Variants in NUDT9 observed in about 807,000 individuals in gnomAD.
NUDT9 encodes the protein ADP-ribose pyrophosphatase.
A neutral mutation model predicts 41.0 loss-of-function variants in NUDT9; 31 were observed. That is an observed-to-expected ratio of 0.76 (90% CI 0.57 to 1.02). The LOEUF (loss-of-function observed/expected upper bound fraction) is 1.02, where lower values mean the gene tolerates loss of function less well. NUDT9 is among the 50% of genes least tolerant of loss of function. The pLI, the probability that NUDT9 is intolerant of heterozygous loss-of-function variation, is 0.00. For synonymous variants in NUDT9, 146 were observed against 147.6 expected, an observed-to-expected ratio of 0.99 and a Z score of 0.08; for missense variants, 380 against 431.4, an observed-to-expected ratio of 0.88 and a Z score of 1.06.
chr4:87,432,074 T>A (rs1159386952), intron 1 of NUDT9, among the ~76,000 whole-genome samples: 2 of 152,226 alleles, frequency 1.3e-5, no homozygotes, highest in African/African-American at 4.8e-5. Context: ...AACAGTTTTT[T>A]CATGAATTAT....
intron 1 of NUDT9, among the ~76,000 whole-genome samples, chr4:87,429,084 G>A (rs551595323): frequency 2.0e-5 from 3 of 152,236 alleles, no homozygotes; most frequent in African/African-American, 7.2e-5. Flanking sequence ...TATATACACC[G>A]AAGAGGGACC....
At chr4:87,435,296 T>C in intron 2 of NUDT9, 76 bp downstream of exon 2, 1 of 1,461,292 alleles carries the variant, frequency 6.8e-7, no homozygotes, top group Non-Finnish European at 9.2e-7. Flanking sequence ...AAGTATCTTT[T>C]TGACACCTGA....
At chr4:87,435,754 G>A (rs568260956) in intron 2 of NUDT9, among the ~76,000 whole-genome samples, 10 of 152,220 alleles carry the variant, frequency 6.6e-5, no homozygotes, top group East Asian at 1.9e-4. Flanking sequence ...TAGAAGTGCC[G>A]CATTGATTAA....
intron 1 of NUDT9, among the ~76,000 whole-genome samples, 154 bp downstream of exon 1, chr4:87,423,166 A>G (rs1159355859): frequency 6.6e-6 from 1 of 152,188 alleles, no homozygotes; most frequent in Non-Finnish European, 1.5e-5. Flanking sequence ...AAAATATTTT[A>G]TCTGCCTTTT....
chr4:87,439,791 T>C (rs1459282021), intron 3 of NUDT9, among the ~76,000 whole-genome samples: 1 of 152,160 alleles, frequency 6.6e-6, no homozygotes, highest in Non-Finnish European at 1.5e-5. Context: ...AGAATTAAAA[T>C]TTGAGGTGAG....
At chr4:87,451,232 G>A (rs1369258247) in intron 5 of NUDT9, among the ~76,000 whole-genome samples, 1 of 152,206 alleles carries the variant, frequency 6.6e-6, no homozygotes, top group Non-Finnish European at 1.5e-5. Context: ...CAGGTCCTGG[G>A]AACATTGAGG....
intron 1 of NUDT9, among the ~76,000 whole-genome samples, chr4:87,429,928 C>G (rs2110161844): frequency 6.6e-6 from 1 of 152,160 alleles, no homozygotes; most frequent in Middle Eastern, 3.4e-3. Flanking sequence ...TTGTGGTAAG[C>G]AGAATAATGG....
intron 7 of NUDT9, among the ~76,000 whole-genome samples, chr4:87,457,238 T>A (rs1723028414): frequency 2.4e-5 from 2 of 85,104 alleles, no homozygotes; most frequent in Admixed American, 9.9e-5. Context: ...TAATTTAAAT[T>A]TTTTTTTTTT....
rs1446193531 is a variant in NUDT9, at chr4:87,435,152, C to T, written c.279C>T (p.Asp93=). Residue 93 remains aspartate, a synonymous_variant, in exon 2 of 8, where the codon GAC becomes GAT. Transcript: ENST00000302174. Reference sequence around the variant, plus strand: ...TGGGCTGGCTTGTTGAGTGGCAAGACTATAAGCCTGTGGAATACACTGCAG... The same window carrying T: ...TGGGCTGGCTTGTTGAGTGGCAAGATTATAAGCCTGTGGAATACACTGCAG... ...EKVGWLVEWQ[D]YKPVEYTAVS... is the part of the protein sequence containing the mutation. 1.2e-6 allele frequency: 2 copies of T among 1,614,198 alleles called. No homozygotes were observed. The highest frequency in any genetic ancestry group is 4.5e-5 in the East Asian group (2 of 44,886).
At chr4:87,441,646 A>C (rs1048312715) in intron 3 of NUDT9, among the ~76,000 whole-genome samples, 183 bp from the exon 4 acceptor site, 1 of 152,212 alleles carries the variant, frequency 6.6e-6, no homozygotes, top group Non-Finnish European at 1.5e-5. Flanking sequence ...ACATGCGCAA[A>C]AGAAAAATTA....
intron 7 of NUDT9, among the ~76,000 whole-genome samples, chr4:87,457,178 C>T (rs1723024944): frequency 6.6e-6 from 1 of 151,844 alleles, no homozygotes; most frequent in African/African-American, 2.4e-5. Flanking sequence ...AGAAATATTC[C>T]ATTTATATTC....
At chr4:87,450,378 C>CTTT (rs59228872) in intron 5 of NUDT9, among the ~76,000 whole-genome samples, 8 of 102,302 alleles carry the variant, frequency 7.8e-5, no homozygotes, top group South Asian at 6.6e-4. Flanking sequence ...TTTTCTTTTT[C>CTTT]TTTTTTTTTT....
At chr4:87,449,297 C>T (rs781111987) in intron 5 of NUDT9, 44 bp downstream of exon 5, 1 of 984,916 alleles carries the variant, frequency 1.0e-6, no homozygotes, top group African/African-American at 1.6e-5. Context: ...CTTTTAGTTG[C>T]TTTACTTACT....
chr4:87,450,894 T>C (rs1387457435), intron 5 of NUDT9, among the ~76,000 whole-genome samples: 1 of 152,222 alleles, frequency 6.6e-6, no homozygotes, highest in Non-Finnish European at 1.5e-5. Flanking sequence ...ACACTGAGAA[T>C]ACAACAGAGC....
chr4:87,436,331 C>G (rs951090738), intron 2 of NUDT9, among the ~76,000 whole-genome samples: 3 of 151,972 alleles, frequency 2.0e-5, no homozygotes, highest in African/African-American at 7.3e-5. Context: ...TTTTCCCATC[C>G]CTTTATGTTC....
At chr4:87,448,773 A>T (rs1377582221) in intron 4 of NUDT9, among the ~76,000 whole-genome samples, 1 of 152,232 alleles carries the variant, frequency 6.6e-6, no homozygotes, top group Non-Finnish European at 1.5e-5. Flanking sequence ...GGCAACTACC[A>T]GTAATTTTTA....
intron 3 of NUDT9, among the ~76,000 whole-genome samples, chr4:87,439,549 G>A (rs553181864): frequency 5.9e-5 from 9 of 152,048 alleles, no homozygotes; most frequent in Admixed American, 1.3e-4. Flanking sequence ...CCAGCTACTC[G>A]GGAGGCTGAG....
intron 4 of NUDT9, among the ~76,000 whole-genome samples, chr4:87,444,729 G>A (rs553791832): frequency 5.3e-5 from 8 of 152,256 alleles, no homozygotes; most frequent in African/African-American, 1.9e-4. Flanking sequence ...AATAGTGGCT[G>A]GGAGTATACA....
chr4:87,434,870 C>A, intron 1 of NUDT9, 111 bp from the exon 2 acceptor site: 1 of 878,018 alleles, frequency 1.1e-6, no homozygotes, highest in Non-Finnish European at 1.7e-6. Context: ...CCACCTACCT[C>A]GGCCTCACAA....
Sources: gnomAD v4.1 joint callset for allele counts (sites outside exome capture counted in the v4.1 genomes callset) on GRCh38, gnomAD v4.1.1 for gene constraint, MANE v1.5 for transcripts, NCBI Gene and HGNC (gene_info 2026-07-23, HGNC 2026-07-21) for gene names.